The following PPFIBP1 variants were observed in gnomAD, a reference collection of about 807,000 sequenced individuals.
PPFIBP1 encodes PPFIB scaffold protein 1, also known as liprin-beta-1.
In PPFIBP1, 112 loss-of-function variants were observed where a neutral mutation model predicts 137.8. That is an observed-to-expected ratio of 0.81 (90% CI 0.70 to 0.95). The LOEUF is 0.95. Ranked by LOEUF, PPFIBP1 falls within the 40% of genes least tolerant of loss-of-function variation. PPFIBP1 has a pLI of 0.00. For synonymous variants in PPFIBP1, 378 were observed against 417.3 expected, an observed-to-expected ratio of 0.91 and a Z score of 1.15; for missense variants, 1,083 against 1,196.6, an observed-to-expected ratio of 0.91 and a Z score of 1.40.
At chr12:27,684,051 T>A (rs1028716237) in intron 24 of PPFIBP1, among the ~76,000 whole-genome samples, 12 of 152,130 alleles carry the variant, frequency 7.9e-5, no homozygotes, top group African/African-American at 2.7e-4. Context: ...CCTCCCAAAG[T>A]GCTGGGATTA....
In PPFIBP1 at chr12:27,692,954, A is replaced by C; in HGVS notation, c.*72A>C. ...TTGCTTTTCCAAACACTCACAGTAT[A>C]TACAACAGGCAGCGGATTGTCTATT... On this transcript the variant is annotated 3_prime_UTR_variant, in exon 30 of 30. Coordinates refer to ENST00000228425, the MANE Select transcript of PPFIBP1 (RefSeq NM_003622.4). 2 of 1,577,910 alleles carry C rather than the reference A, an allele frequency of 1.3e-6. No individual in the cohort carries two copies. The highest frequency in any genetic ancestry group is 2.3e-5 in the South Asian group (2 of 86,054).
chr12:27,561,699 G>A (rs746597534), intron 1 of PPFIBP1, among the ~76,000 whole-genome samples: 8 of 151,952 alleles, frequency 5.3e-5, no homozygotes, highest in Non-Finnish European at 7.4e-5. Context: ...GCCTGCTTTC[G>A]TTTCTGTAGT....
At chr12:27,576,571 C>T (rs533173067) in intron 1 of PPFIBP1, among the ~76,000 whole-genome samples, 1 of 152,306 alleles carries the variant, frequency 6.6e-6, no homozygotes, top group East Asian at 1.9e-4. Flanking sequence ...GAAGGCCCAG[C>T]TCCTGTCTGC....
chr12:27,648,552 A>T (rs1397514005), intron 6 of PPFIBP1, among the ~76,000 whole-genome samples: 11 of 152,362 alleles, frequency 7.2e-5, no homozygotes, highest in African/African-American at 2.6e-4. Flanking sequence ...TGTGCTCCCG[A>T]GTTTGCTGCA....
chr12:27,610,616 C>T (rs2054998890), intron 2 of PPFIBP1, among the ~76,000 whole-genome samples: 2 of 152,192 alleles, frequency 1.3e-5, no homozygotes, highest in Admixed American at 6.5e-5. Flanking sequence ...TCTTGCTGAG[C>T]ATGAATCATC....
chr12:27,627,209 T>C (rs759981684), intron 2 of PPFIBP1, among the ~76,000 whole-genome samples: 7 of 152,248 alleles, frequency 4.6e-5, no homozygotes, highest in Non-Finnish European at 7.3e-5. Flanking sequence ...GTTTTTAAGA[T>C]AGTTTCTCTT....
chr12:27,592,866 G>A, intron 2 of PPFIBP1: 4 of 531,636 alleles, frequency 7.5e-6, no homozygotes, highest in Middle Eastern at 5.2e-4. Context: ...TAGGCTGGGT[G>A]CGATGGCTCA....
At chr12:27,599,002 A>G (rs1451699809) in intron 2 of PPFIBP1, among the ~76,000 whole-genome samples, 1 of 152,252 alleles carries the variant, frequency 6.6e-6, no homozygotes, top group East Asian at 1.9e-4. Context: ...CCTGAAGCCA[A>G]TAATAACTAA....
chr12:27,660,599 G>C (rs2059484210), intron 10 of PPFIBP1, among the ~76,000 whole-genome samples: 1 of 152,152 alleles, frequency 6.6e-6, no homozygotes, highest in South Asian at 2.1e-4. Flanking sequence ...TTCATCTTCA[G>C]TGTTCTCATG....
intron 11 of PPFIBP1, among the ~76,000 whole-genome samples, chr12:27,661,198 C>T (rs928980561): frequency 2.4e-4 from 37 of 152,166 alleles, no homozygotes; most frequent in African/African-American, 6.3e-4. Flanking sequence ...CGCATATTCA[C>T]GTGACATGTA....
intron 2 of PPFIBP1, among the ~76,000 whole-genome samples, chr12:27,607,909 A>G (rs1443450891): frequency 2.2e-5 from 3 of 135,234 alleles, no homozygotes; most frequent in African/African-American, 8.4e-5. Flanking sequence ...TTTGAGAACT[A>G]TAAATCAGTT....
chr12:27,655,302 A>G (rs2059129580), intron 8 of PPFIBP1: 3 of 1,145,006 alleles, frequency 2.6e-6, no homozygotes, highest in South Asian at 1.3e-5. Context: ...TTTTGCTGTG[A>G]TGATGTTTTT....
At chr12:27,679,827 C>T (rs2060775033) in intron 20 of PPFIBP1, 106 bp from the exon 21 acceptor site, 1 of 1,448,784 alleles carries the variant, frequency 6.9e-7, no homozygotes, top group African/African-American at 1.4e-5. Flanking sequence ...ATGTTAACAA[C>T]ACAAAGAGGA....
chr12:27,605,857 CTTATA>C (rs981230587), intron 2 of PPFIBP1, among the ~76,000 whole-genome samples: 22 of 152,136 alleles, frequency 1.4e-4, no homozygotes, highest in African/African-American at 5.1e-4. Flanking sequence ...ATGTTCCATC[CTTATA>C]TTAAAATTAT....
intron 2 of PPFIBP1, among the ~76,000 whole-genome samples, chr12:27,581,106 G>C (rs114391896): frequency 6.6e-6 from 1 of 151,996 alleles, no homozygotes; most frequent in Non-Finnish European, 1.5e-5. Context: ...TATTGCCAAG[G>C]CTGGTCTTGA....
chr12:27,593,625 T>G, intron 2 of PPFIBP1: 1 of 467,684 alleles, frequency 2.1e-6, no homozygotes, highest in Non-Finnish European at 4.0e-6. Flanking sequence ...TAGAAATGTC[T>G]GAAACTCTTG....
intron 29 of PPFIBP1, 67 bp from the exon 30 acceptor site, chr12:27,692,729 C>G: frequency 6.2e-7 from 1 of 1,613,834 alleles, no homozygotes; most frequent in Non-Finnish European, 8.5e-7. Context: ...GACCACATGT[C>G]TCTTGGAGAA....
intron 2 of PPFIBP1, among the ~76,000 whole-genome samples, chr12:27,618,024 C>T (rs373375085): frequency 5.9e-5 from 9 of 152,300 alleles, no homozygotes; most frequent in South Asian, 2.1e-4. Flanking sequence ...CTGAAAGTTA[C>T]GGGTTGTCAG....
At chr12:27,525,310 A>G (rs1400228810) in intron 1 of PPFIBP1, among the ~76,000 whole-genome samples, 3 of 152,128 alleles carry the variant, frequency 2.0e-5, no homozygotes, top group Admixed American at 2.0e-4. Flanking sequence ...GGAAAAAGAT[A>G]CTTTTAAGAA....
Sources: gnomAD v4.1 joint callset for allele counts (sites outside exome capture counted in the v4.1 genomes callset) on GRCh38, gnomAD v4.1.1 for gene constraint, MANE v1.5 for transcripts, NCBI Gene and HGNC (gene_info 2026-07-23, HGNC 2026-07-21) for gene names.